FER: variants seen among roughly 807,000 people sequenced by gnomAD.
FER encodes the protein tyrosine-protein kinase Fer.
FER carries 63 observed loss-of-function variants against 111.0 expected under a neutral mutation model. The observed-to-expected ratio is 0.57, with a 90% CI of 0.46 to 0.70. The LOEUF (loss-of-function observed/expected upper bound fraction) is 0.70. Among genes scored for constraint, FER ranks in the 30% least tolerant of loss-of-function variants. FER has a pLI of 0.00. For synonymous variants in FER, 327 were observed against 313.9 expected (o/e 1.04, Z -0.44); for missense variants, 914 against 954.0 (o/e 0.96, Z 0.55).
At chr5:108,777,419 C>T (rs943000568) in intron 2 of FER, among the ~76,000 whole-genome samples, 4 of 152,170 alleles carry the variant, frequency 2.6e-5, no homozygotes, top group African/African-American at 4.8e-5. Context: ...GATGAACCTA[C>T]ACTGATATGT....
intron 10 of FER, among the ~76,000 whole-genome samples, chr5:108,908,013 C>A (rs1462474219): frequency 1.3e-5 from 2 of 152,076 alleles, no homozygotes; most frequent in Non-Finnish European, 2.9e-5. Flanking sequence ...TGTAGTAAAA[C>A]ATTTTAGTTT....
chr5:109,070,152 G>A (rs3797837), intron 16 of FER, among the ~76,000 whole-genome samples: 20,528 of 150,712 alleles, frequency 0.14, 1,967 homozygotes, highest in African/African-American at 0.27. Context: ...TTTCATCTCC[G>A]CAACCATATG....
At chr5:108,871,559 C>CAAT (rs1038319016) in intron 7 of FER, 57 bp downstream of exon 7, 4 of 1,291,344 alleles carry the variant, frequency 3.1e-6, no homozygotes, top group Non-Finnish European at 4.3e-6. Context: ...TTCATTCATA[C>CAAT]AATAGTTAAC....
At position 109,064,607 on chromosome 5, in the gene FER, A is replaced by G. The variant is rs114276792; in HGVS notation, c.1924+17409A>G. The stretch of plus-strand genomic sequence containing the variant: ...CATTTGAGCCATAGATGCATTATGT[A>G]TGTCTGAGTAGTATTACTCGTAGGC... On this transcript the variant is annotated intron_variant, in intron 16 of 19. Transcript: ENST00000281092. Among the ~76,000 whole-genome samples, 843 of 152,264 alleles carry G rather than the reference A, an allele frequency of 5.5e-3. 8 individuals carry two copies. The highest frequency in any genetic ancestry group is 0.02 in the African/African-American group (815 of 41,534).
intron 9 of FER, among the ~76,000 whole-genome samples, chr5:108,889,247 A>G (rs1747647008): frequency 6.6e-6 from 1 of 151,992 alleles, no homozygotes; most frequent in Non-Finnish European, 1.5e-5. Context: ...TCTCCAAGAG[A>G]TATTTACACT....
intron 2 of FER, among the ~76,000 whole-genome samples, chr5:108,770,385 T>G (rs1752771417): frequency 6.6e-6 from 1 of 152,250 alleles, no homozygotes; most frequent in Non-Finnish European, 1.5e-5. Context: ...GAGATAATTC[T>G]TTTAAGATTT....
intron 10 of FER, among the ~76,000 whole-genome samples, chr5:108,921,233 T>C (rs1047436118): frequency 6.6e-6 from 1 of 152,160 alleles, no homozygotes; most frequent in African/African-American, 2.4e-5. Flanking sequence ...ATTATTACTA[T>C]TTTGTTGGTT....
intron 5 of FER, among the ~76,000 whole-genome samples, chr5:108,856,807 T>C (rs1406095301): frequency 2.0e-5 from 3 of 152,108 alleles, no homozygotes; most frequent in East Asian, 1.9e-4. Context: ...ATATTACGTG[T>C]AGTGGAAACA....
At chr5:108,800,476 A>G (rs1046716878) in intron 3 of FER, among the ~76,000 whole-genome samples, 2 of 151,852 alleles carry the variant, frequency 1.3e-5, no homozygotes, top group African/African-American at 2.4e-5. Flanking sequence ...TCAGCTTTCT[A>G]GGGAGCTGGG....
At position 108,988,062 on chromosome 5, in the gene FER, T is replaced by G. The variant is rs568514026; in HGVS notation, c.1656+28715T>G. On this transcript the variant is annotated intron_variant, in intron 13 of 19. Coordinates refer to ENST00000281092, the MANE Select transcript of FER (RefSeq NM_005246.4). Reference sequence around the variant, plus strand: ...GTTTCTTGAGATGATGTGATTTCTGTTTTTGATTCTGTTTATGTGGTGTAT... The same window carrying G: ...GTTTCTTGAGATGATGTGATTTCTGGTTTTGATTCTGTTTATGTGGTGTAT... Among the ~76,000 whole-genome samples the G allele has an allele frequency of 2.0e-5, 3 of 152,272 alleles. No individual in the cohort carries two copies. In the East Asian group the frequency reaches 5.8e-4, roughly 29 times the overall value.
chr5:108,993,155 G>A (rs1763481862), intron 13 of FER, among the ~76,000 whole-genome samples: 1 of 152,180 alleles, frequency 6.6e-6, no homozygotes, highest in Non-Finnish European at 1.5e-5. Flanking sequence ...GGCAGAGGCT[G>A]CAATCTCAGC....
rs185791369 is a variant in FER, at chr5:108,932,103, T to C, written c.1237-14027T>C. Among the ~76,000 whole-genome samples, 632 of 152,144 alleles carry C rather than the reference T, an allele frequency of 4.2e-3. 1 individual carries two copies. Among genetic ancestry groups the C allele is most frequent in the African/African-American group, 0.014 (589 of 41,486 alleles). On this transcript the variant is annotated intron_variant, in intron 10 of 19. Coordinates refer to ENST00000281092, the MANE Select transcript of FER (RefSeq NM_005246.4). ...TTTGTACATAGGTATACACATGCCA[T>C]GGTGGTTTGCTGCACCCATCAACCC...
chr5:108,872,069 A>T (rs1764653581), intron 7 of FER, 24 bp from the exon 8 acceptor site: 2 of 1,605,226 alleles, frequency 1.2e-6, no homozygotes, highest in African/African-American at 2.7e-5. Flanking sequence ...ACAATGATCA[A>T]AATTATTTGC....
intron 17 of FER, among the ~76,000 whole-genome samples, chr5:109,149,133 C>G (rs1754547291): frequency 6.6e-6 from 1 of 151,876 alleles, no homozygotes; most frequent in Non-Finnish European, 1.5e-5. Context: ...TCTTTTTATT[C>G]TCTAATCTTA....
At chr5:108,806,229 A>T (rs1757193104) in intron 3 of FER, among the ~76,000 whole-genome samples, 1 of 152,176 alleles carries the variant, frequency 6.6e-6, no homozygotes, top group African/African-American at 2.4e-5. Context: ...CAGTGCACAG[A>T]AGTCAAGGAT....
intron 3 of FER, among the ~76,000 whole-genome samples, chr5:108,811,065 G>A (rs756491282): frequency 5.9e-5 from 9 of 151,940 alleles, no homozygotes; most frequent in Non-Finnish European, 1.2e-4. Flanking sequence ...GCCGTGGAAT[G>A]GAGAGGGCCC....
chr5:108,927,799 T>G (rs1192482123), intron 10 of FER, among the ~76,000 whole-genome samples: 1 of 152,176 alleles, frequency 6.6e-6, no homozygotes, highest in Non-Finnish European at 1.5e-5. Context: ...CACCTAAAAT[T>G]TAGTTTCTAC....
At chr5:108,883,344 A>T in intron 8 of FER, 52 bp from the exon 9 acceptor site, 3 of 1,532,668 alleles carry the variant, frequency 2.0e-6, no homozygotes, top group Admixed American at 1.9e-5. Context: ...TTTGATATGT[A>T]TAAAGTGAAA....
intron 16 of FER, among the ~76,000 whole-genome samples, chr5:109,067,265 TGTTGC>T (rs1775215846): frequency 6.8e-6 from 1 of 147,338 alleles, no homozygotes. Flanking sequence ...TTGTTGTTGC[TGTTGC>T]TGCTGCTGCT....
Sources: allele counts gnomAD v4.1 joint callset (sites outside exome capture counted in the v4.1 genomes callset), GRCh38; gene constraint gnomAD v4.1.1; transcripts MANE v1.5; gene names NCBI Gene and HGNC (gene_info 2026-07-23, HGNC 2026-07-21).